The following BANP variants were observed in gnomAD, a reference collection of about 807,000 sequenced individuals.
BANP encodes the protein protein BANP.
BANP carries 11 observed loss-of-function variants against 68.1 expected under a neutral mutation model. The observed-to-expected ratio is 0.16, with a 90% CI of 0.10 to 0.27. The LOEUF (loss-of-function observed/expected upper bound fraction) is 0.27, where lower values mean the gene tolerates loss of function less well. Among genes scored for constraint, BANP ranks in the 10% least tolerant of loss-of-function variants. The probability of loss-of-function intolerance (pLI) is 1.00; values close to 1 mark genes in which losing one functional copy is unlikely to be tolerated. For synonymous variants in BANP, 329 were observed against 303.2 expected, an observed-to-expected ratio of 1.09 and a Z score of -0.88; for missense variants, 504 against 722.7, an observed-to-expected ratio of 0.70 and a Z score of 3.47.
At chr16:88,042,415 C>G (rs534179878) in intron 11 of BANP, among the ~76,000 whole-genome samples, 2 of 152,350 alleles carry the variant, frequency 1.3e-5, no homozygotes, top group South Asian at 4.1e-4. Context: ...CTCACTTCCT[C>G]TCAGCTCTGG....
intron 11 of BANP, among the ~76,000 whole-genome samples, chr16:88,040,433 G>T (rs72818535): frequency 4.6e-5 from 7 of 151,852 alleles, no homozygotes; most frequent in African/African-American, 1.5e-4. Flanking sequence ...GCCCCGAGCA[G>T]TGCGGGGGTC....
At chr16:87,977,418 C>A (rs1248388347) in intron 2 of BANP, among the ~76,000 whole-genome samples, 45 of 140,932 alleles carry the variant, frequency 3.2e-4, no homozygotes, top group Non-Finnish European at 4.0e-4. Flanking sequence ...GACTCCGTCT[C>A]AAAAAAAAAA....
At chr16:87,974,237 C>A (rs2061626444) in intron 1 of BANP, among the ~76,000 whole-genome samples, 1 of 152,184 alleles carries the variant, frequency 6.6e-6, no homozygotes, top group Admixed American at 6.5e-5. Flanking sequence ...TCTGTGTGTC[C>A]ATAGACCATA....
chr16:87,961,689 C>T (rs1262288215), intron 1 of BANP, among the ~76,000 whole-genome samples: 1 of 152,076 alleles, frequency 6.6e-6, no homozygotes, highest in African/African-American at 2.4e-5. Flanking sequence ...ATGTTTGTCC[C>T]CTTTGAAACT....
intron 1 of BANP, among the ~76,000 whole-genome samples, chr16:87,959,418 A>G (rs2058694042): frequency 6.6e-6 from 1 of 152,214 alleles, no homozygotes; most frequent in African/African-American, 2.4e-5. Context: ...CCTGGGAAGG[A>G]ATAAGACGAG....
At chr16:88,008,487 C>A (rs764785727) in intron 6 of BANP, among the ~76,000 whole-genome samples, 3 of 152,062 alleles carry the variant, frequency 2.0e-5, no homozygotes, top group African/African-American at 7.2e-5. Context: ...CTGGCCACCC[C>A]CTTCAGGCCT....
intron 11 of BANP, among the ~76,000 whole-genome samples, chr16:88,053,475 C>G (rs2083899014): frequency 6.7e-6 from 1 of 149,942 alleles, no homozygotes; most frequent in Non-Finnish European, 1.5e-5. Context: ...CCAACACAAC[C>G]ACCTTCACCA....
At chr16:88,076,235 G>T (rs1370394382) in intron 13 of BANP, among the ~76,000 whole-genome samples, 2 of 152,174 alleles carry the variant, frequency 1.3e-5, no homozygotes. Flanking sequence ...AAATATCTTC[G>T]GGAGGGCCAG....
chr16:87,967,989 G>A (rs1201851650), intron 1 of BANP, among the ~76,000 whole-genome samples: 1 of 146,132 alleles, frequency 6.8e-6, no homozygotes, highest in Non-Finnish European at 1.5e-5. Context: ...CCCGACCTCA[G>A]GTGATCCACC....
rs576394461 is a variant in BANP at position 88,050,384 on chromosome 16, G to A, written c.1311+12373G>A. Reference sequence around the variant, plus strand: ...GTTGCCAGGCTGGTCTTGAACTCCCGGGCTTAAGGAGTCCACCTGCCTCGG... The same window carrying A: ...GTTGCCAGGCTGGTCTTGAACTCCCAGGCTTAAGGAGTCCACCTGCCTCGG... On this transcript the variant is annotated intron_variant, in intron 11 of 13. Transcript: ENST00000682872. 2.1e-4 allele frequency among the ~76,000 whole-genome samples: 32 copies of A among 152,250 alleles called. 1 individual carries two copies. The highest frequency in any genetic ancestry group is 3.9e-4 in the Admixed American group (6 of 15,294).
At chr16:88,032,652 AAATT>A (rs1177821951) in intron 8 of BANP, among the ~76,000 whole-genome samples, 4 of 152,366 alleles carry the variant, frequency 2.6e-5, no homozygotes, top group African/African-American at 7.2e-5. Flanking sequence ...ATTACAGTGA[AAATT>A]AATACACAGT....
At chr16:87,980,014 A>T (rs1477971638) in intron 2 of BANP, among the ~76,000 whole-genome samples, 2 of 152,230 alleles carry the variant, frequency 1.3e-5, no homozygotes, top group Non-Finnish European at 2.9e-5. Context: ...GGAAGGCTGC[A>T]GACAAACCTG....
At chr16:87,969,369 C>T (rs563257910) in intron 1 of BANP, among the ~76,000 whole-genome samples, 10 of 152,168 alleles carry the variant, frequency 6.6e-5, no homozygotes, top group African/African-American at 1.2e-4. Context: ...AGCTATTGCC[C>T]TTCAAAGAGG....
intron 12 of BANP, among the ~76,000 whole-genome samples, chr16:88,066,791 C>G (rs2088754299): frequency 6.6e-6 from 1 of 152,192 alleles, no homozygotes; most frequent in Non-Finnish European, 1.5e-5. Context: ...TGTGTCTTTG[C>G]CATCAGCCTT....
intron 7 of BANP, among the ~76,000 whole-genome samples, chr16:88,025,548 T>C (rs2076829227): frequency 6.6e-6 from 1 of 152,250 alleles, no homozygotes; most frequent in African/African-American, 2.4e-5. Flanking sequence ...CCTCTCATCC[T>C]ACAAATCCCA....
chr16:88,020,530 G>A (rs1481402540), intron 7 of BANP, among the ~76,000 whole-genome samples: 1 of 152,270 alleles, frequency 6.6e-6, no homozygotes, highest in Non-Finnish European at 1.5e-5. Flanking sequence ...AGATAGAAAC[G>A]TCTGCAACCT....
chr16:88,057,549 G>A lies in BANP; in HGVS notation c.1312-7718G>A, dbSNP rs565239182. On this transcript the variant is annotated intron_variant, in intron 11 of 13. Coordinates refer to ENST00000682872, the MANE Select transcript of BANP (RefSeq NM_001386991.1). This position sits in a 1 kb window ranked among gnomAD's most constrained non-coding sequence, Gnocchi z 4.6. ...CCTCAGGTCGCTTCATGCTGATTCT[G>A]TTTAGGCCCCGGCTTTTCCCTCATG... 1.3e-5 allele frequency among the ~76,000 whole-genome samples: 2 copies of A among 152,080 alleles called. No individual in the cohort carries two copies. Among genetic ancestry groups the A allele is most frequent in the South Asian group, 4.2e-4 (2 of 4,818 alleles).
rs546642496 is a variant in BANP, at chr16:88,061,865, A to G, written c.1312-3402A>G. Among the ~76,000 whole-genome samples the G allele has an allele frequency of 5.3e-5, 8 of 152,158 alleles. No homozygotes were observed. In the South Asian group the frequency reaches 1.7e-3, roughly 32 times the overall value. ...TTTTTAATGGAGACGGGATTTCTCC[A>G]TGTTGGTCAGGCTGGTCTCCCAACC... On this transcript the variant is annotated intron_variant, in intron 11 of 13. Transcript: ENST00000682872.
intron 4 of BANP, among the ~76,000 whole-genome samples, chr16:87,992,274 T>C (rs1375272893): frequency 1.3e-5 from 2 of 152,150 alleles, no homozygotes; most frequent in Admixed American, 6.5e-5. Context: ...TAATGAAGAG[T>C]TTTTGCGTCT....
Sources: gnomAD v4.1 joint callset for allele counts (sites outside exome capture counted in the v4.1 genomes callset) on GRCh38, gnomAD v4.1.1 for gene constraint, Gnocchi (gnomAD v3.1) non-coding constraint, MANE v1.5 for transcripts, NCBI Gene and HGNC (gene_info 2026-07-23, HGNC 2026-07-21) for gene names.